The following GRM8 variants were observed in gnomAD, a reference collection of about 807,000 sequenced individuals.
GRM8 encodes the protein glutamate metabotropic receptor 8, also known as metabotropic glutamate receptor 8.
Under a neutral mutation model 87.2 loss-of-function variants are expected in GRM8, and 47 were observed. The ratio of observed to expected loss-of-function variants is 0.54; its 90% CI spans 0.43 to 0.69. GRM8 has a LOEUF of 0.69. Ranked by LOEUF, GRM8 falls within the 30% of genes least tolerant of loss-of-function variation. The pLI is 0.00. For missense variants in GRM8, 1,019 were observed against 1,139.2 expected (o/e 0.89, Z 1.52); for synonymous variants, 396 against 404.5 (o/e 0.98, Z 0.25).
chr7:126,742,048 C>T (rs1009251992), intron 7 of GRM8, among the ~76,000 whole-genome samples: 4 of 151,932 alleles, frequency 2.6e-5, no homozygotes, highest in African/African-American at 9.7e-5. Context: ...CCTGCAAAGC[C>T]ACCCACAGGA....
intron 1 of GRM8, among the ~76,000 whole-genome samples, chr7:127,251,411 G>C (rs1798860010): frequency 6.6e-6 from 1 of 152,074 alleles, no homozygotes; most frequent in Non-Finnish European, 1.5e-5. Flanking sequence ...GAGCTTTCTG[G>C]CTGGGCGGAT....
intron 7 of GRM8, among the ~76,000 whole-genome samples, chr7:126,748,490 T>C (rs569800844): frequency 1.3e-5 from 2 of 151,736 alleles, no homozygotes; most frequent in Non-Finnish European, 2.9e-5. Flanking sequence ...TTTTAAAACA[T>C]CTAAATAGTG....
At chr7:126,941,929 T>C (rs1049052558) in intron 3 of GRM8, among the ~76,000 whole-genome samples, 7 of 152,238 alleles carry the variant, frequency 4.6e-5, no homozygotes, top group African/African-American at 1.7e-4. Context: ...TTTCTCTTTC[T>C]TTAAACAACA....
chr7:127,149,752 T>A (rs1173888098), intron 2 of GRM8, among the ~76,000 whole-genome samples: 4 of 151,984 alleles, frequency 2.6e-5, no homozygotes, highest in Non-Finnish European at 4.4e-5. Flanking sequence ...AAGATTCTAC[T>A]TGCCACGACA....
chr7:126,730,581 A>G (rs916798782), intron 7 of GRM8, among the ~76,000 whole-genome samples: 3 of 152,144 alleles, frequency 2.0e-5, no homozygotes, highest in African/African-American at 4.8e-5. Flanking sequence ...ACTTTGTGAA[A>G]AATCAAGTAG....
At chr7:126,866,640 G>T (rs1374783942) in intron 6 of GRM8, among the ~76,000 whole-genome samples, 2 of 119,084 alleles carry the variant, frequency 1.7e-5, no homozygotes, top group Non-Finnish European at 3.2e-5. Flanking sequence ...CACCCAGGTT[G>T]GAGTGCTGTG....
chr7:126,966,509 T>C (rs1809880534), intron 3 of GRM8, among the ~76,000 whole-genome samples: 1 of 152,150 alleles, frequency 6.6e-6, no homozygotes. Context: ...TCAGCTTGCA[T>C]GCTGGAAATT....
At chr7:126,756,206 G>GA (rs1563156396) in intron 7 of GRM8, among the ~76,000 whole-genome samples, 14 of 151,874 alleles carry the variant, frequency 9.2e-5, no homozygotes, top group Middle Eastern at 3.4e-3. Context: ...ACAACCCCAT[G>GA]CAAAAAAAAT....
chr7:126,906,583 G>C lies in GRM8; in HGVS notation c.728-1900C>G, dbSNP rs545879646. Among the ~76,000 whole-genome samples, 3 of 152,318 alleles carry C rather than the reference G, an allele frequency of 2.0e-5. No individual in the cohort carries two copies. In the East Asian group the frequency reaches 5.8e-4, roughly 29 times the overall value. ...TGGGGATCCATTAGGTTCATCAGCA[G>C]GAGAAATATATGCTGAGCTTTATGC... On this transcript the variant is annotated intron_variant, in intron 3 of 10. Transcript: ENST00000339582.
intron 3 of GRM8, among the ~76,000 whole-genome samples, chr7:126,995,547 G>A (rs180968766): frequency 2.5e-4 from 38 of 152,290 alleles, no homozygotes; most frequent in Middle Eastern, 6.8e-3. Context: ...AAATTCTATA[G>A]TTGAAAATGC....
At chr7:126,637,913 G>T (rs773208079) in intron 7 of GRM8, among the ~76,000 whole-genome samples, 1 of 151,840 alleles carries the variant, frequency 6.6e-6, no homozygotes, top group Non-Finnish European at 1.5e-5. Flanking sequence ...AAATATATAC[G>T]AGATCACCTG....
intron 7 of GRM8, among the ~76,000 whole-genome samples, chr7:126,767,377 T>G (rs1047029416): frequency 6.6e-6 from 1 of 152,140 alleles, no homozygotes; most frequent in East Asian, 1.9e-4. Context: ...AGAAGACTTC[T>G]GCTTTTGCTG....
intron 3 of GRM8, among the ~76,000 whole-genome samples, chr7:127,037,927 TCAGAATTAATGAAGAAAAAGTGAAAA>T (rs886530729): frequency 6.6e-6 from 1 of 151,950 alleles, no homozygotes; most frequent in Non-Finnish European, 1.5e-5. Context: ...AATATGTACC[TCAGAATTAATGAAGAAAAAGTGAAAA>T]CATGGTTTGA....
At position 126,769,789 on chromosome 7, in the gene GRM8, G is replaced by T. The variant is rs75882822; in HGVS notation, c.1357+76C>A. The T allele has an allele frequency of 9.8e-3, 8,851 of 903,624 alleles. 134 individuals carry two copies. Among genetic ancestry groups the T allele is most frequent in the Admixed American group, 0.045 (2,492 of 55,626 alleles). 56.0% of individuals were successfully genotyped at this position (903,624 alleles called of 1,614,324 possible). A position where few individuals can be genotyped will look rare whatever the true frequency, so the allele number is the denominator to read the frequency against. Reference sequence around the variant, plus strand: ...ATCCTGTGTTTTCCACTCTGCCTGGGTATCTTCTATATATAGGAGGAAAAA... The same window carrying T: ...ATCCTGTGTTTTCCACTCTGCCTGGTTATCTTCTATATATAGGAGGAAAAA... On this transcript the variant is annotated intron_variant, in intron 7 of 10. Coordinates refer to ENST00000339582, the MANE Select transcript of GRM8 (RefSeq NM_000845.3).
At chr7:126,843,243 G>A (rs1796433643) in intron 6 of GRM8, among the ~76,000 whole-genome samples, 1 of 152,050 alleles carries the variant, frequency 6.6e-6, no homozygotes, top group African/African-American at 2.4e-5. Context: ...AACTAGCAGT[G>A]TGCCTAGTAC....
At chr7:127,233,515 A>T (rs949928736) in intron 2 of GRM8, among the ~76,000 whole-genome samples, 3 of 152,342 alleles carry the variant, frequency 2.0e-5, no homozygotes, top group South Asian at 4.1e-4. Flanking sequence ...GAAATAGTAC[A>T]AGCACTAGTC....
chr7:127,145,041 G>A (rs1828480090), intron 2 of GRM8, among the ~76,000 whole-genome samples: 1 of 152,062 alleles, frequency 6.6e-6, no homozygotes, highest in Admixed American at 6.6e-5. Flanking sequence ...ACATTGTCAT[G>A]GCTTTTGTCA....
At chr7:126,763,280 T>C (rs1817790092) in intron 7 of GRM8, among the ~76,000 whole-genome samples, 1 of 151,492 alleles carries the variant, frequency 6.6e-6, no homozygotes, top group Non-Finnish European at 1.5e-5. Context: ...CATTTTCTTT[T>C]ATTCTTTTGC....
At chr7:126,914,460 A>G (rs1392289879) in intron 3 of GRM8, among the ~76,000 whole-genome samples, 1 of 152,198 alleles carries the variant, frequency 6.6e-6, no homozygotes, top group African/African-American at 2.4e-5. Flanking sequence ...CCAAAAACAC[A>G]CATGCACCTA....
Sources: allele counts gnomAD v4.1 joint callset (sites outside exome capture counted in the v4.1 genomes callset), GRCh38; gene constraint gnomAD v4.1.1; transcripts MANE v1.5; gene names NCBI Gene and HGNC (gene_info 2026-07-23, HGNC 2026-07-21).